The following LRRC63 variants were observed in gnomAD, a reference collection of about 807,000 sequenced individuals.
LRRC63 encodes leucine-rich repeat-containing protein 63.
In LRRC63, 40 loss-of-function variants were observed where a neutral mutation model predicts 49.5. The observed-to-expected ratio is 0.81, with a 90% CI of 0.63 to 1.05. LRRC63 has a LOEUF of 1.05. Ranked by LOEUF, LRRC63 falls within the 50% of genes least tolerant of loss-of-function variation. The pLI, the probability that LRRC63 is intolerant of heterozygous loss-of-function variation, is 0.00. For synonymous variants in LRRC63, 191 were observed against 221.1 expected, an observed-to-expected ratio of 0.86 and a Z score of 1.21; for missense variants, 636 against 663.1, an observed-to-expected ratio of 0.96 and a Z score of 0.45.
At chr13:46,246,858 TTCTC>T (rs2047227972) in intron 6 of LRRC63, among the ~76,000 whole-genome samples, 1 of 152,158 alleles carries the variant, frequency 6.6e-6, no homozygotes, top group Admixed American at 6.6e-5. Context: ...CTCAAATGTG[TTCTC>T]ATAATTCTAT....
chr13:46,249,380 G>A (rs1052185495), intron 6 of LRRC63, among the ~76,000 whole-genome samples: 6 of 151,706 alleles, frequency 4.0e-5, no homozygotes, highest in South Asian at 4.1e-4. Flanking sequence ...CAAACTTTAC[G>A]TAGACTTAAC....
chr13:46,266,576 A>C (rs963911509), intron 8 of LRRC63, among the ~76,000 whole-genome samples, 157 bp from the exon 9 acceptor site: 4 of 152,192 alleles, frequency 2.6e-5, no homozygotes, highest in African/African-American at 9.7e-5. Context: ...TTGCTTTATA[A>C]ATTAATTCTC....
intron 6 of LRRC63, chr13:46,250,118 T>C (rs2047337146): frequency 3.9e-6 from 1 of 253,742 alleles, no homozygotes; most frequent in South Asian, 1.2e-4. Context: ...GAAAGCACCA[T>C]TCTTGAGTCA....
exon 3 of LRRC63, chr13:46,227,545 C>T (rs1316503043): frequency 1.3e-6 from 2 of 1,540,308 alleles, no homozygotes; most frequent in Non-Finnish European, 1.8e-6. Context: ...CTACATGTAG[C>T]ATTCACTGAA....
intron 5 of LRRC63, among the ~76,000 whole-genome samples, chr13:46,237,677 T>A (rs1339264853): frequency 6.6e-6 from 1 of 151,732 alleles, no homozygotes; most frequent in Non-Finnish European, 1.5e-5. Context: ...TTTGTAAAGA[T>A]CAATAAAATA....
chr13:46,253,224 AAAGTC>A (rs1219231939), intron 7 of LRRC63, among the ~76,000 whole-genome samples: 1 of 152,054 alleles, frequency 6.6e-6, no homozygotes, highest in African/African-American at 2.4e-5. Flanking sequence ...GTAAAAAAAA[AAAGTC>A]AAGGTAATGC....
At chr13:46,225,359 C>T (rs548172664) in intron 2 of LRRC63, among the ~76,000 whole-genome samples, 8 of 152,342 alleles carry the variant, frequency 5.3e-5, no homozygotes, top group African/African-American at 1.9e-4. Context: ...GAGCCTCAGT[C>T]AAGCAGGTCT....
chr13:46,212,614 C>G lies in LRRC63; in HGVS notation c.-34+355C>G, dbSNP rs183370184. Among the ~76,000 whole-genome samples, 61 of 152,248 alleles carry G rather than the reference C, an allele frequency of 4.0e-4. 1 individual carries two copies. The highest frequency in any genetic ancestry group is 1.3e-3 in the African/African-American group (54 of 41,548). ...CATTTCTGACCAAATTCTCTTTCTA[C>G]ATTTATAGCGATAACATTTTGGAGA... On this transcript the variant is annotated intron_variant, in intron 1 of 9. Transcript: ENST00000595396.
At chr13:46,267,434 G>T (rs1594098667) in intron 9 of LRRC63, among the ~76,000 whole-genome samples, 1 of 152,136 alleles carries the variant, frequency 6.6e-6, no homozygotes, top group African/African-American at 2.4e-5. Flanking sequence ...CAAGACCAGG[G>T]TACTTAAACT....
At chr13:46,262,321 C>A (rs1054781306) in intron 8 of LRRC63, among the ~76,000 whole-genome samples, 1 of 152,068 alleles carries the variant, frequency 6.6e-6, no homozygotes, top group Non-Finnish European at 1.5e-5. Flanking sequence ...GCTAATAATA[C>A]AAAATATAAT....
chr13:46,251,453 G>A (rs2047379419), intron 7 of LRRC63, among the ~76,000 whole-genome samples: 2 of 151,694 alleles, frequency 1.3e-5, no homozygotes, highest in African/African-American at 4.8e-5. Flanking sequence ...TGACTCATCC[G>A]GATTTTTCCA....
exon 3 of LRRC63, chr13:46,227,794 A>C (rs182670642): frequency 4.4e-4 from 684 of 1,550,166 alleles, no homozygotes; most frequent in Admixed American, 5.7e-4. Context: ...ATTTTTGGGA[A>C]ACAAACAAAC....
chr13:46,253,637 G>T (rs1291597666), intron 7 of LRRC63, among the ~76,000 whole-genome samples: 2 of 152,098 alleles, frequency 1.3e-5, no homozygotes, highest in African/African-American at 4.8e-5. Flanking sequence ...ACTCCTCAAA[G>T]GCTGACAGGA....
At chr13:46,243,742 G>A (rs2047131939) in intron 5 of LRRC63, among the ~76,000 whole-genome samples, 1 of 152,312 alleles carries the variant, frequency 6.6e-6, no homozygotes, top group Admixed American at 6.5e-5. Flanking sequence ...CTCCCAAAGT[G>A]CTGGGATAAC....
chr13:46,225,070 G>T (rs1447894506), intron 2 of LRRC63, among the ~76,000 whole-genome samples: 2 of 152,202 alleles, frequency 1.3e-5, no homozygotes, highest in African/African-American at 4.8e-5. Context: ...TGGGCTAGGT[G>T]ACTGAACAGG....
At chr13:46,271,737 A>C (rs1983875) in intron 9 of LRRC63, among the ~76,000 whole-genome samples, 3,711 of 150,812 alleles carry the variant, frequency 0.025, 163 homozygotes, top group African/African-American at 0.085. Flanking sequence ...AAAAAAAAAA[A>C]CTCCAACAAC....
chr13:46,253,688 A>C (rs186184205), intron 7 of LRRC63, among the ~76,000 whole-genome samples: 35 of 152,238 alleles, frequency 2.3e-4, no homozygotes, highest in African/African-American at 6.5e-4. Context: ...GAGGTTTAGG[A>C]GTTGGATAGG....
At chr13:46,275,900 G>A (rs889557372) in intron 9 of LRRC63, among the ~76,000 whole-genome samples, 4 of 152,102 alleles carry the variant, frequency 2.6e-5, no homozygotes, top group African/African-American at 7.2e-5. Context: ...CATTTCCACT[G>A]TGTTTTCTTC....
intron 9 of LRRC63, among the ~76,000 whole-genome samples, chr13:46,267,991 G>A (rs1284307907): frequency 6.6e-6 from 1 of 152,100 alleles, no homozygotes; most frequent in Admixed American, 6.5e-5. Context: ...CCTTGATTTA[G>A]ACTGTAAAGT....
Sources: allele counts gnomAD v4.1 joint callset (sites outside exome capture counted in the v4.1 genomes callset), GRCh38; gene constraint gnomAD v4.1.1; transcripts MANE v1.5; gene names NCBI Gene and HGNC (gene_info 2026-07-23, HGNC 2026-07-21).